FNIP1: variants seen among roughly 807,000 people sequenced by gnomAD.
The protein encoded by FNIP1 is folliculin-interacting protein 1.
FNIP1 carries 40 observed loss-of-function variants against 124.5 expected under a neutral mutation model. That is an observed-to-expected ratio of 0.32 (90% confidence interval 0.25 to 0.42). The LOEUF (loss-of-function observed/expected upper bound fraction) is 0.42, where lower values mean the gene tolerates loss of function less well. Among genes scored for constraint, FNIP1 ranks in the 10% least tolerant of loss-of-function variants. The probability of loss-of-function intolerance (pLI) is 1.00; values close to 1 mark genes in which losing one functional copy is unlikely to be tolerated. For synonymous variants in FNIP1, 472 were observed against 470.6 expected (o/e 1.00, Z -0.04); for missense variants, 1,176 against 1,403.7 (o/e 0.84, Z 2.59).
At position 131,672,028 on chromosome 5, in the gene FNIP1, C is replaced by T; in HGVS notation, c.2416G>A (p.Gly806Arg). 1 of 1,614,166 alleles carries T rather than the reference C, an allele frequency of 6.2e-7. No individual in the cohort carries two copies. The highest frequency in any genetic ancestry group is 8.5e-7 in the Non-Finnish European group (1 of 1,180,024). ...ACCATGTTCTGTGTATCAGACTCTC[C>T]AGATTGGTCCTTGGTTGTTTGTTTA... ...ETKQTTKDQS[G>R]ESDTQNMVSE... The change falls in exon 14 of 18, where the codon GGA becomes AGA. Residue 806 changes from glycine (G) to arginine (R), a missense_variant. Physicochemically the swap from Gly to Arg is moderately radical, Grantham distance 125 (BLOSUM62 -2). This residue lies in a region of FNIP1 where 1,109 missense variants were observed against 1,288.5 expected (regional missense o/e 0.86). Transcript: ENST00000510461.
At chr5:131,720,349 A>G (rs1769617631) in intron 3 of FNIP1, among the ~76,000 whole-genome samples, 1 of 152,230 alleles carries the variant, frequency 6.6e-6, no homozygotes, top group African/African-American at 2.4e-5. Context: ...TCAACTGAAT[A>G]TAGATTAAAG....
At chr5:131,757,405 C>G (rs757448934) in intron 1 of FNIP1, among the ~76,000 whole-genome samples, 3 of 152,178 alleles carry the variant, frequency 2.0e-5, no homozygotes, top group Non-Finnish European at 4.4e-5. Context: ...TCTTGATGAA[C>G]AGTGGGCAAC....
At chr5:131,722,962 G>A (rs1346350728) in intron 3 of FNIP1, among the ~76,000 whole-genome samples, 1 of 152,202 alleles carries the variant, frequency 6.6e-6, no homozygotes, top group Non-Finnish European at 1.5e-5. Flanking sequence ...GGGATTACAG[G>A]TGTGAGCCAA....
intron 2 of FNIP1, among the ~76,000 whole-genome samples, chr5:131,744,041 CA>C (rs1357792144): frequency 6.6e-6 from 1 of 151,698 alleles, no homozygotes; most frequent in Non-Finnish European, 1.5e-5. Context: ...AGGGAGAGTT[CA>C]AAAAACAGCA....
chr5:131,781,666 AC>A (rs1178392432), intron 1 of FNIP1, among the ~76,000 whole-genome samples: 1 of 152,218 alleles, frequency 6.6e-6, no homozygotes, highest in East Asian at 1.9e-4. Context: ...TCAGAAAAAA[AC>A]ATTCCTTTCA....
intron 1 of FNIP1, among the ~76,000 whole-genome samples, chr5:131,748,347 C>G (rs1422570496): frequency 6.6e-6 from 1 of 152,056 alleles, no homozygotes; most frequent in Non-Finnish European, 1.5e-5. Flanking sequence ...CACTGTCAGT[C>G]ATATGAAGGT....
At chr5:131,697,377 G>A (rs1376528998) in intron 11 of FNIP1, among the ~76,000 whole-genome samples, 1 of 151,984 alleles carries the variant, frequency 6.6e-6, no homozygotes, top group Non-Finnish European at 1.5e-5. Flanking sequence ...TAACCACCTT[G>A]GCCTCCCAAA....
At chr5:131,749,364 C>T (rs1388093434) in intron 1 of FNIP1, among the ~76,000 whole-genome samples, 2 of 151,304 alleles carry the variant, frequency 1.3e-5, no homozygotes, top group African/African-American at 2.4e-5. Flanking sequence ...GTGAATGGAT[C>T]GCCCTATATA....
At chr5:131,747,333 T>C (rs1770716864) in intron 1 of FNIP1, among the ~76,000 whole-genome samples, 1 of 152,224 alleles carries the variant, frequency 6.6e-6, no homozygotes, top group African/African-American at 2.4e-5. Context: ...TCCCAAATTC[T>C]TGACAGAAAA....
At chr5:131,651,132 G>A (rs549771669) in intron 16 of FNIP1, among the ~76,000 whole-genome samples, 12 of 152,110 alleles carry the variant, frequency 7.9e-5, no homozygotes, top group African/African-American at 2.9e-4. Context: ...GCTCATGCCT[G>A]TAATCTCAGC....
chr5:131,680,904 T>C (rs1010461175), intron 11 of FNIP1, among the ~76,000 whole-genome samples: 2 of 152,176 alleles, frequency 1.3e-5, no homozygotes, highest in Non-Finnish European at 2.9e-5. Flanking sequence ...TATAAGGTCA[T>C]AGTATCACAG....
At chr5:131,721,568 G>T (rs1398244423) in intron 3 of FNIP1, among the ~76,000 whole-genome samples, 1 of 152,088 alleles carries the variant, frequency 6.6e-6, no homozygotes, top group African/African-American at 2.4e-5. Flanking sequence ...GGAGGCTTAG[G>T]CGAGAGGATC....
At chr5:131,694,491 A>G (rs1229883335) in intron 11 of FNIP1, among the ~76,000 whole-genome samples, 1 of 152,192 alleles carries the variant, frequency 6.6e-6, no homozygotes, top group East Asian at 1.9e-4. Context: ...AGCCAGTCTG[A>G]AAAGTCCACA....
intron 1 of FNIP1, among the ~76,000 whole-genome samples, chr5:131,752,954 C>A (rs1770928523): frequency 6.6e-6 from 1 of 152,092 alleles, no homozygotes; most frequent in South Asian, 2.1e-4. Context: ...TGCCTGTAAT[C>A]CCAGCTACTT....
chr5:131,762,438 G>C (rs935970369), intron 1 of FNIP1, among the ~76,000 whole-genome samples: 1 of 152,090 alleles, frequency 6.6e-6, no homozygotes, highest in Non-Finnish European at 1.5e-5. Context: ...ATAGGCAAAA[G>C]ACCTGAATAG....
At chr5:131,752,101 T>C (rs113515200) in intron 1 of FNIP1, among the ~76,000 whole-genome samples, 7,791 of 152,288 alleles carry the variant, frequency 0.051, 276 homozygotes, top group Non-Finnish European at 0.08. Flanking sequence ...TGGAGTGCAG[T>C]GGCGCGATCT....
rs1275513629 is a variant in FNIP1 at position 131,711,985 on chromosome 5, TA to T, written c.623-1325del. Among the ~76,000 whole-genome samples, 9 of 152,332 alleles carry T rather than the reference TA, an allele frequency of 5.9e-5. No individual in the cohort carries two copies. In the East Asian group the frequency reaches 1.7e-3, roughly 29 times the overall value. ...CCTTCCCTACCTCTTCTTCTCAGCA[TA>T]AAACTTTTGTTTCCTAGAGTATGCA... On this transcript the variant is annotated intron_variant, in intron 6 of 17. Transcript: ENST00000510461.
chr5:131,718,524 A>G (rs1405424032), intron 5 of FNIP1, among the ~76,000 whole-genome samples: 8 of 152,214 alleles, frequency 5.3e-5, no homozygotes. Flanking sequence ...TTTCAGCTTC[A>G]CTATTCTAAT....
intron 11 of FNIP1, among the ~76,000 whole-genome samples, chr5:131,697,364 ATC>A (rs1285457006): frequency 6.6e-6 from 1 of 152,142 alleles, no homozygotes; most frequent in East Asian, 1.9e-4. Flanking sequence ...AGCTCAAGCA[ATC>A]TAACCACCTT....
Sources: allele counts gnomAD v4.1 joint callset (sites outside exome capture counted in the v4.1 genomes callset), GRCh38; gene constraint gnomAD v4.1.1; regional missense constraint gnomAD v4.1.1; transcripts MANE v1.5; gene names NCBI Gene and HGNC (gene_info 2026-07-23, HGNC 2026-07-21).